ADRA2B: variants seen among roughly 807,000 people sequenced by gnomAD.
ADRA2B encodes alpha-2B adrenergic receptor.
Under a neutral mutation model 14.4 loss-of-function variants are expected in ADRA2B, and 14 were observed. The observed-to-expected ratio is 0.97, with a 90% CI of 0.64 to 1.52. The LOEUF (loss-of-function observed/expected upper bound fraction) is 1.52. ADRA2B is among the 40% of genes most tolerant of loss of function. The probability of loss-of-function intolerance (pLI) is 0.00; values close to 1 mark genes in which losing one functional copy is unlikely to be tolerated. For missense variants in ADRA2B, 606 were observed against 603.2 expected, an observed-to-expected ratio of 1.00 and a Z score of -0.05; for synonymous variants, 250 against 263.7, an observed-to-expected ratio of 0.95 and a Z score of 0.50.
Position 96,113,802 on chromosome 2 carries a change from TTC to T in ADRA2B, c.*993_*994del. 1 of 652,462 alleles carries T rather than the reference TTC, an allele frequency of 1.5e-6. No individual in the cohort carries two copies. The highest frequency in any genetic ancestry group is 1.9e-6 in the Non-Finnish European group (1 of 525,854). The allele number at this position is 652,462 out of a possible 1,614,324, so 40.4% of individuals were successfully genotyped here. A position where few individuals can be genotyped will look rare whatever the true frequency, so the allele number is the denominator to read the frequency against. ...GAGATCCTTTAACTTGAAATAGTGA[TTC>T]TGTCTGCCACTCCCGGCTTCCAGTT... On this transcript the variant is annotated 3_prime_UTR_variant, in exon 1 of 1. Transcript: ENST00000620793.
Position 96,115,728 on chromosome 2 carries a change from G to A in ADRA2B, c.422C>T (p.Ala141Val), listed in dbSNP as rs1012841819. The A allele has an allele frequency of 1.9e-6, 3 of 1,613,286 alleles. No homozygotes were observed. Among genetic ancestry groups the A allele is most frequent in the Non-Finnish European group, 2.5e-6 (3 of 1,179,680 alleles). Reference protein sequence around the residue: ...CIILTVWLIAAVISLPPLIYK... With the variant: ...CIILTVWLIAVVISLPPLIYK... ...GATGAGGGGCGGCAGCGAGATGACG[G>A]CGGCGATGAGCCACACAGTGAGGAT... The change falls in exon 1 of 1, where the codon GCC becomes GTC. Residue 141 changes from alanine to valine, a missense_variant. Ala to Val is a moderately conservative substitution (Grantham distance 64). Transcript: ENST00000620793.
rs1242495588 is a variant in ADRA2B, at chr2:96,115,790, G to C, written c.360C>G (p.Tyr120Ter). The change falls in exon 1 of 1, where the codon TAC (tyrosine) becomes TAG (stop). Residue 120 changes from tyrosine (Y) to a stop codon, truncating the protein, a stop_gained. Coordinates refer to ENST00000620793, the MANE Select transcript of ADRA2B (RefSeq NM_000682.7). LOFTEE classifies it low-confidence loss of function (END_TRUNC). The part of the protein sequence containing the change: ...RYWAVSRALE[Y>*]NSKRTPRRIK... ...TGCGGCGCGGGGTGCGCTTGGAGTT[G>C]TACTCCAGCGCGCGGCTCACGGCCC... 40 of 1,612,862 alleles carry C rather than the reference G, an allele frequency of 2.5e-5. No homozygotes were observed. The highest frequency in any genetic ancestry group is 4.5e-5 in the East Asian group (2 of 44,652).
At position 96,116,241 on chromosome 2, in the gene ADRA2B, C is replaced by T. The variant is rs1681871898; in HGVS notation, c.-92G>A. On this transcript the variant is annotated 5_prime_UTR_variant, in exon 1 of 1. Coordinates refer to ENST00000620793, the MANE Select transcript of ADRA2B (RefSeq NM_000682.7). The stretch of plus-strand genomic sequence containing the variant: ...CCGGCTCGGCTAGACAAGAGCGTCG[C>T]CCCTCGGGCGGCGCCGAGGGCGCTG... The T allele has an allele frequency of 8.0e-7, 1 of 1,251,000 alleles. No homozygotes were observed. Among genetic ancestry groups the T allele is most frequent in the Admixed American group, 2.1e-5 (1 of 47,984 alleles). The allele number at this position is 1,251,000 out of a possible 1,614,324, so 77.5% of individuals were successfully genotyped here. A position where few individuals can be genotyped will look rare whatever the true frequency, so the allele number is the denominator to read the frequency against.
upstream of ADRA2B, among the ~76,000 whole-genome samples, chr2:96,116,571 T>TGGGGAGC (rs1314697307): frequency 6.7e-6 from 1 of 149,704 alleles, no homozygotes; most frequent in Non-Finnish European, 1.5e-5. Flanking sequence ...TGCAGGGGAG[T>TGGGGAGC]GGGGAGCGGG....
chr2:96,115,908 C>T lies in ADRA2B; in HGVS notation c.242G>A (p.Arg81Gln), dbSNP rs746794661. Residue 81 changes from arginine (R) to glutamine (Q), a missense_variant, in exon 1 of 1, where the codon CGG becomes CAG. Physicochemically the swap from Arg to Gln is conservative, Grantham distance 43. Coordinates refer to ENST00000620793, the MANE Select transcript of ADRA2B (RefSeq NM_000682.7). ...ANELLGYWYF[R>Q]RTWCEVYLAL... ...CAGGTACACCTCGCACCACGTGCGC[C>T]GGAAGTACCAGTAGCCCAGCAGCTC... 7.4e-6 allele frequency: 12 copies of T among 1,613,460 alleles called. No homozygotes were observed. In the Admixed American group the frequency reaches 1.5e-4, roughly 20 times the overall value.
Position 96,114,648 on chromosome 2 carries a change from C to T in ADRA2B, c.*149G>A. The T allele has an allele frequency of 7.0e-7, 1 of 1,430,728 alleles. No homozygotes were observed. The highest frequency in any genetic ancestry group is 9.1e-7 in the Non-Finnish European group (1 of 1,097,516). The allele number at this position is 1,430,728 out of a possible 1,614,324, so 88.6% of individuals were successfully genotyped here. On this transcript the variant is annotated 3_prime_UTR_variant, in exon 1 of 1. Coordinates refer to ENST00000620793, the MANE Select transcript of ADRA2B (RefSeq NM_000682.7). The stretch of plus-strand genomic sequence containing the variant: ...GGACCCTTGCTAGCAGCCCCCCTGC[C>T]CACCCCTCCCAAGGGGTTCCTAAGA...
rs1314507031 is a variant in ADRA2B at position 96,115,726 on chromosome 2, C to T, written c.424G>A (p.Val142Ile). The change falls in exon 1 of 1, where the codon GTC (valine) becomes ATC (isoleucine). Residue 142 changes from valine (V) to isoleucine (I), a missense_variant. Val to Ile is a conservative substitution (Grantham distance 29, BLOSUM62 3). Transcript: ENST00000620793. ...TAGATGAGGGGCGGCAGCGAGATGA[C>T]GGCGGCGATGAGCCACACAGTGAGG... ...IILTVWLIAAVISLPPLIYKG... is the reference protein window; with the variant it reads ...IILTVWLIAAIISLPPLIYKG... The T allele has an allele frequency of 1.2e-6, 2 of 1,613,016 alleles. No individual in the cohort carries two copies. The highest frequency in any genetic ancestry group is 1.3e-5 in the African/African-American group (1 of 74,892).
Position 96,114,906 on chromosome 2 carries a change from C to G in ADRA2B, c.1244G>C (p.Gly415Ala), listed in dbSNP as rs1373542932. Residue 415 changes from glycine to alanine, a missense_variant, in exon 1 of 1, where the codon GGC becomes GCC. Coordinates refer to ENST00000620793, the MANE Select transcript of ADRA2B (RefSeq NM_000682.7). ...AGGGTTCAGTGAGCTGTTGCAGTAGCCGATCCAGAAGAAGAACTGGAAGAG... is the reference window on the plus strand; with the variant it reads ...AGGGTTCAGTGAGCTGTTGCAGTAGGCGATCCAGAAGAAGAACTGGAAGAG... Reference protein sequence around the residue: ...HGLFQFFFWIGYCNSSLNPVI... With the variant: ...HGLFQFFFWIAYCNSSLNPVI... 4 of 1,613,936 alleles carry G rather than the reference C, an allele frequency of 2.5e-6. No homozygotes were observed. In the Admixed American group the frequency reaches 5.0e-5, roughly 20 times the overall value.
Position 96,114,756 on chromosome 2 carries a change from G to A in ADRA2B, c.*41C>T, listed in dbSNP as rs35355631. The A allele has an allele frequency of 4.7e-5, 74 of 1,570,662 alleles. No homozygotes were observed. Among genetic ancestry groups the A allele is most frequent in the Admixed American group, 1.3e-4 (7 of 55,042 alleles). ...GCAGGGCAAGAAGCAGGGTGACCCC[G>A]GCGCCACCGCACCAACCCCACAGGG... On this transcript the variant is annotated 3_prime_UTR_variant, in exon 1 of 1. Transcript: ENST00000620793.
chr2:96,114,027 C>T lies in ADRA2B; in HGVS notation c.*770G>A, dbSNP rs981610883. 1.0e-6 allele frequency: 1 copy of T among 985,784 alleles called. No homozygotes were observed. Among genetic ancestry groups the T allele is most frequent in the South Asian group, 4.7e-5 (1 of 21,298 alleles). 61.1% of individuals were successfully genotyped at this position (985,784 alleles called of 1,614,324 possible). On this transcript the variant is annotated 3_prime_UTR_variant, in exon 1 of 1. Transcript: ENST00000620793. ...GCAAGTAGGCAGTGAGCTATTGTCG[C>T]CCCGATTTTTGCAGGGGGTGAATGC...
Position 96,113,577 on chromosome 2 carries a change from CATCTT to C in ADRA2B, c.*1215_*1219del, listed in dbSNP as rs888811857. 2 of 164,780 alleles carry C rather than the reference CATCTT, an allele frequency of 1.2e-5. No homozygotes were observed. The highest frequency in any genetic ancestry group is 2.4e-5 in the African/African-American group (1 of 41,996). 10.2% of individuals were successfully genotyped at this position (164,780 alleles called of 1,614,324 possible). ...GGCGCTGCCACCTGTCACAGGCTCT[CATCTT>C]AGACTGTTGCCGAGGTGTGGATATT... On this transcript the variant is annotated 3_prime_UTR_variant, in exon 1 of 1. Coordinates refer to ENST00000620793, the MANE Select transcript of ADRA2B (RefSeq NM_000682.7).
chr2:96,114,820 G>A lies in ADRA2B; in HGVS notation c.1330C>T (p.Pro444Ser). Residue 444 changes from proline to serine, a missense_variant, in exon 1 of 1, where the codon CCG becomes TCG. By Grantham distance (74) the Pro-to-Ser change is moderately conservative. Coordinates refer to ENST00000620793, the MANE Select transcript of ADRA2B (RefSeq NM_000682.7). ...RRAFRRILCR[P>S]WTQTAW is the part of the protein sequence containing the mutation. ...GCTCACCAGGCCGTCTGGGTCCACG[G>A]GCGGCACAGGATCCTCCGGAAGGCA... The A allele has an allele frequency of 6.2e-7, 1 of 1,613,122 alleles. No homozygotes were observed. The highest frequency in any genetic ancestry group is 8.5e-7 in the Non-Finnish European group (1 of 1,179,450).
rs781173591 is a variant in ADRA2B at position 96,115,462 on chromosome 2, C to G, written c.688G>C (p.Ala230Pro). 1 of 1,613,356 alleles carries G rather than the reference C, an allele frequency of 6.2e-7. No homozygotes were observed. The highest frequency in any genetic ancestry group is 1.3e-5 in the African/African-American group (1 of 75,060). ...GCCAGGGCTGGCAGTTTGGCTGAGG[C>G]CAAAGCCCCACCATGGTCGGGTCGG... ...QPRPDHGGAL[A>P]SAKLPALASV... Residue 230 changes from alanine (A) to proline (P), a missense_variant, in exon 1 of 1, where the codon GCC (alanine) becomes CCC (proline). Ala to Pro is a conservative substitution (Grantham distance 27). Coordinates refer to ENST00000620793, the MANE Select transcript of ADRA2B (RefSeq NM_000682.7).
rs1384534196 is a variant in ADRA2B, at chr2:96,114,500, C to T, written c.*297G>A. 1 of 1,216,826 alleles carries T rather than the reference C, an allele frequency of 8.2e-7. No homozygotes were observed. Among genetic ancestry groups the T allele is most frequent in the Non-Finnish European group, 1.0e-6 (1 of 972,132 alleles). The allele number at this position is 1,216,826 out of a possible 1,614,324, so 75.4% of individuals were successfully genotyped here. A position where few individuals can be genotyped will look rare whatever the true frequency, so the allele number is the denominator to read the frequency against. On this transcript the variant is annotated 3_prime_UTR_variant, in exon 1 of 1. Coordinates refer to ENST00000620793, the MANE Select transcript of ADRA2B (RefSeq NM_000682.7). The stretch of plus-strand genomic sequence containing the variant: ...AGCATGGGGCTCTGGGAAGAAAGTG[C>T]TCTCTCTTCTCCTGGTCTTGGCTAT...
Position 96,116,413 on chromosome 2 carries a change from G to A in ADRA2B, c.-264C>T, listed in dbSNP as rs1681874746. Among the ~76,000 whole-genome samples, 1 of 152,192 alleles carries A rather than the reference G, an allele frequency of 6.6e-6. No individual in the cohort carries two copies. The highest frequency in any genetic ancestry group is 1.5e-5 in the Non-Finnish European group (1 of 68,024). On this transcript the variant is annotated 5_prime_UTR_variant, in exon 1 of 1. In the 5' UTR this introduces an upstream ATG that the reference lacks. Coordinates refer to ENST00000620793, the MANE Select transcript of ADRA2B (RefSeq NM_000682.7). Reference sequence around the variant, plus strand: ...CCCAAGTTGTCCCGCCGCCGTCCCCGTCCCGCCCGGGACCGGAGAAAGTCG... The same window carrying A: ...CCCAAGTTGTCCCGCCGCCGTCCCCATCCCGCCCGGGACCGGAGAAAGTCG...
chr2:96,114,920 G>T lies in ADRA2B; in HGVS notation c.1230C>A (p.Phe410Leu). The change falls in exon 1 of 1, where the codon TTC (phenylalanine) becomes TTA (leucine). Residue 410 changes from phenylalanine (F) to leucine (L), a missense_variant. By Grantham distance (22) the Phe-to-Leu change is conservative. Coordinates refer to ENST00000620793, the MANE Select transcript of ADRA2B (RefSeq NM_000682.7). ...TGTTGCAGTAGCCGATCCAGAAGAA[G>T]AACTGGAAGAGGCCATGGGGCACCT... is the stretch of plus-strand genomic sequence containing the variant. ...HCKVPHGLFQ[F>L]FFWIGYCNSS... The T allele has an allele frequency of 6.2e-7, 1 of 1,613,996 alleles. No homozygotes were observed. The highest frequency in any genetic ancestry group is 8.5e-7 in the Non-Finnish European group (1 of 1,179,930).
Position 96,116,115 on chromosome 2 carries a change from G to T in ADRA2B, c.35C>A (p.Thr12Lys), listed in dbSNP as rs751524670. The stretch of plus-strand genomic sequence containing the variant: ...GGTGATGGCCGCCGCTATGGCCGCT[G>T]TGGCCTGCACGGAGTAGGGGTCCTG... Reference protein sequence around the residue: ...DHQDPYSVQATAAIAAAITFL... With the variant: ...DHQDPYSVQAKAAIAAAITFL... The change falls in exon 1 of 1, where the codon ACA becomes AAA. Residue 12 changes from threonine (T) to lysine (K), a missense_variant. Coordinates refer to ENST00000620793, the MANE Select transcript of ADRA2B (RefSeq NM_000682.7). The T allele has an allele frequency of 5.1e-5, 82 of 1,611,780 alleles. No homozygotes were observed. The highest frequency in any genetic ancestry group is 6.4e-5 in the Non-Finnish European group (76 of 1,179,348).
At position 96,114,568 on chromosome 2, in the gene ADRA2B, G is replaced by C; in HGVS notation, c.*229C>G. 7.2e-7 allele frequency: 1 copy of C among 1,398,142 alleles called. No individual in the cohort carries two copies. The highest frequency in any genetic ancestry group is 1.6e-5 in the South Asian group (1 of 63,202). The allele number at this position is 1,398,142 out of a possible 1,614,324, so 86.6% of individuals were successfully genotyped here. On this transcript the variant is annotated 3_prime_UTR_variant, in exon 1 of 1. Coordinates refer to ENST00000620793, the MANE Select transcript of ADRA2B (RefSeq NM_000682.7). Reference sequence around the variant, plus strand: ...CCACCTCCATCGGCCTGTGCTCAGGGAGAGGGTGGAGAAGGGGTCCCCCAC... The same window carrying C: ...CCACCTCCATCGGCCTGTGCTCAGGCAGAGGGTGGAGAAGGGGTCCCCCAC...
Position 96,113,382 on chromosome 2 carries a change from G to C in ADRA2B, c.*1415C>G, listed in dbSNP as rs546034489. On this transcript the variant is annotated 3_prime_UTR_variant, in exon 1 of 1. Coordinates refer to ENST00000620793, the MANE Select transcript of ADRA2B (RefSeq NM_000682.7). ...GGGTCCTCAATGCACAGCCCCATCA[G>C]CATTGCGGGGAGCAGCGTGGCTGGG... 4.2e-4 allele frequency: 159 copies of C among 378,622 alleles called. No homozygotes were observed. The highest frequency in any genetic ancestry group is 5.9e-4 in the Non-Finnish European group (126 of 213,880). 23.5% of individuals were successfully genotyped at this position (378,622 alleles called of 1,614,324 possible).
Sources: gnomAD v4.1 joint callset for allele counts (sites outside exome capture counted in the v4.1 genomes callset) on GRCh38, gnomAD v4.1.1 for gene constraint, MANE v1.5 for transcripts, NCBI Gene and HGNC (gene_info 2026-07-23, HGNC 2026-07-21) for gene names.